GXYLT2: variants seen among roughly 807,000 people sequenced by gnomAD.
The protein encoded by GXYLT2 is glucoside xylosyltransferase 2.
GXYLT2 carries 53 observed loss-of-function variants against 45.8 expected under a neutral mutation model. That is an observed-to-expected ratio of 1.16 (90% CI 0.93 to 1.46). GXYLT2 has a LOEUF of 1.46. Among genes scored for constraint, GXYLT2 ranks in the 40% most tolerant of loss-of-function variants. The pLI is 0.00. For missense variants in GXYLT2, 551 were observed against 544.4 expected, an observed-to-expected ratio of 1.01 and a Z score of -0.12; for synonymous variants, 219 against 214.2, an observed-to-expected ratio of 1.02 and a Z score of -0.19.
chr3:72,926,579 A>G (rs1709922076), intron 3 of GXYLT2, among the ~76,000 whole-genome samples: 1 of 152,226 alleles, frequency 6.6e-6, no homozygotes, highest in South Asian at 2.1e-4. Flanking sequence ...CTGTAAGAGT[A>G]ATTGAGTTGT....
Position 72,917,216 on chromosome 3 carries a change from C to T in GXYLT2, c.469-4988C>T, listed in dbSNP as rs540913830. Among the ~76,000 whole-genome samples the T allele has an allele frequency of 2.1e-3, 316 of 152,098 alleles. 2 individuals are homozygous for T. Among genetic ancestry groups the T allele is most frequent in the Non-Finnish European group, 1.9e-3 (132 of 68,022 alleles). On this transcript the variant is annotated intron_variant, in intron 2 of 6. Coordinates refer to ENST00000389617, the MANE Select transcript of GXYLT2 (RefSeq NM_001080393.2). ...AACCTCTCAGACTGTTAGAGGATGC[C>T]GAGAGCTAAGGGAGCCCGTGAACCA... is the stretch of plus-strand genomic sequence containing the variant.
At position 72,922,162 on chromosome 3, in the gene GXYLT2, C is replaced by G. The variant is rs764171412; in HGVS notation, c.469-42C>G. On this transcript the variant is annotated intron_variant, in intron 2 of 6. Transcript: ENST00000389617. ...GCTTCGCAGGCATTTTCCATATTTC[C>G]TAGGGCCTAATCACCCTTCCCTTGC... The G allele has an allele frequency of 2.5e-6, 4 of 1,588,966 alleles. No homozygotes were observed. In the East Asian group the frequency reaches 6.7e-5, roughly 27 times the overall value.
chr3:72,966,444 T>C (rs1241615774), intron 5 of GXYLT2, among the ~76,000 whole-genome samples: 1 of 147,838 alleles, frequency 6.8e-6, no homozygotes, highest in South Asian at 2.1e-4. Context: ...TTTTTGACAT[T>C]TTTTTGTGTG....
intron 6 of GXYLT2, among the ~76,000 whole-genome samples, chr3:72,972,297 T>C (rs74755251): frequency 0.011 from 1,718 of 152,240 alleles, 26 homozygotes; most frequent in African/African-American, 0.039. Flanking sequence ...GGAACAATTC[T>C]AGTTTCTAGG....
intron 1 of GXYLT2, among the ~76,000 whole-genome samples, chr3:72,894,284 T>A (rs1200645411): frequency 6.6e-6 from 1 of 152,110 alleles, no homozygotes; most frequent in East Asian, 1.9e-4. Flanking sequence ...TGTTACTGCA[T>A]CCAAAATCAT....
intron 3 of GXYLT2, among the ~76,000 whole-genome samples, chr3:72,948,890 G>C (rs900779965): frequency 1.3e-5 from 2 of 151,822 alleles, no homozygotes; most frequent in African/African-American, 4.8e-5. Context: ...GTGGATTGGA[G>C]GGGGCAAGTG....
At chr3:72,896,125 C>A (rs868148917) in intron 1 of GXYLT2, among the ~76,000 whole-genome samples, 1 of 152,204 alleles carries the variant, frequency 6.6e-6, no homozygotes, top group Middle Eastern at 3.2e-3. Context: ...TAACTAGACC[C>A]AGCTAAGTAC....
chr3:72,951,647 A>G (rs1167608363), intron 3 of GXYLT2, among the ~76,000 whole-genome samples: 1 of 152,186 alleles, frequency 6.6e-6, no homozygotes, highest in Non-Finnish European at 1.5e-5. Flanking sequence ...TTTCTCTGAG[A>G]TGTACCCTTA....
At chr3:72,905,545 T>G (rs1709494764) in intron 1 of GXYLT2, among the ~76,000 whole-genome samples, 2 of 152,230 alleles carry the variant, frequency 1.3e-5, no homozygotes. Context: ...TCACTGAAGT[T>G]TATTTCCTAT....
Position 72,955,187 on chromosome 3 carries a change from G to T in GXYLT2, c.690G>T (p.Arg230Ser). ...RPVDDIWKLL[R>S]LFNSTQLAAM... ...TTGATGACATCTGGAAGCTTCTGAG[G>T]CTGTTTAATTCCACCCAGCTTGCAG... Residue 230 changes from arginine to serine, a missense_variant, in exon 4 of 7, where the codon AGG becomes AGT. Transcript: ENST00000389617. 6.2e-7 allele frequency: 1 copy of T among 1,613,988 alleles called. No homozygotes were observed. Among genetic ancestry groups the T allele is most frequent in the Non-Finnish European group, 8.5e-7 (1 of 1,179,882 alleles).
chr3:72,906,723 A>G (rs1226751674), intron 1 of GXYLT2, among the ~76,000 whole-genome samples: 4 of 152,216 alleles, frequency 2.6e-5, no homozygotes, highest in African/African-American at 9.6e-5. Flanking sequence ...TCTGAAATAA[A>G]GAGAGACAGG....
chr3:72,972,796 A>G (rs1360263339), intron 6 of GXYLT2, among the ~76,000 whole-genome samples: 3 of 140,948 alleles, frequency 2.1e-5, no homozygotes, highest in Admixed American at 7.1e-5. Flanking sequence ...CTGGTGGCAC[A>G]TGCAGGTAGT....
intron 2 of GXYLT2, among the ~76,000 whole-genome samples, chr3:72,912,013 A>ATATATATATAT (rs1156864738): frequency 1.7e-5 from 2 of 114,890 alleles, no homozygotes; most frequent in African/African-American, 7.9e-5. Flanking sequence ...ATATATATAT[A>ATATATATATAT]TTTTTTTTTT....
chr3:72,945,909 AAAC>A (rs1260896134), intron 3 of GXYLT2, among the ~76,000 whole-genome samples: 2 of 152,210 alleles, frequency 1.3e-5, no homozygotes, highest in African/African-American at 4.8e-5. Context: ...CAATGATCAA[AAAC>A]AAGAGTTCAC....
rs1374902436 is a variant in GXYLT2, at chr3:72,975,667, G to A, written c.*508G>A. 2 of 152,292 alleles carry A rather than the reference G, an allele frequency of 1.3e-5. No homozygotes were observed. Among genetic ancestry groups the A allele is most frequent in the Non-Finnish European group, 2.9e-5 (2 of 68,138 alleles). The allele number at this position is 152,292 out of a possible 1,614,324, so 9.4% of individuals were successfully genotyped here. ...ATCCTATTGACCAGTGGAAAAGATT[G>A]TTTCCATTTTAAAGCAGTTCCTTAC... On this transcript the variant is annotated 3_prime_UTR_variant, in exon 7 of 7. Transcript: ENST00000389617.
At chr3:72,896,124 C>T (rs1489325467) in intron 1 of GXYLT2, among the ~76,000 whole-genome samples, 6 of 152,180 alleles carry the variant, frequency 3.9e-5, no homozygotes, top group Admixed American at 1.3e-4. Context: ...ATAACTAGAC[C>T]CAGCTAAGTA....
rs1234193329 is a variant in GXYLT2, at chr3:72,948,835, CAA to C, written c.601-6243_601-6242del. Among the ~76,000 whole-genome samples, 172 of 74,928 alleles carry C rather than the reference CAA, an allele frequency of 2.3e-3. 1 individual carries two copies. The highest frequency in any genetic ancestry group is 7.8e-3 in the Middle Eastern group (1 of 128). The allele number at this position is 74,928 out of a possible 152,430, so 49.2% of individuals were successfully genotyped here. A position where few individuals can be genotyped will look rare whatever the true frequency, so the allele number is the denominator to read the frequency against. On this transcript the variant is annotated intron_variant, in intron 3 of 6. Transcript: ENST00000389617. ...CTGGTGACAGAGCAAGATTCTGTCTCAAAAAAAAAAAAAAAAAAAAATCCCTT... is the reference window on the plus strand; with the variant it reads ...CTGGTGACAGAGCAAGATTCTGTCTCAAAAAAAAAAAAAAAAAAATCCCTT...
chr3:72,920,901 A>G (rs565683840), intron 2 of GXYLT2, among the ~76,000 whole-genome samples: 181 of 149,432 alleles, frequency 1.2e-3, no homozygotes, highest in Non-Finnish European at 2.1e-3. Flanking sequence ...TGCAACCTCC[A>G]CCTCTGCCTC....
chr3:72,888,554 G>T, intron 1 of GXYLT2, 46 bp downstream of exon 1: 1 of 1,148,182 alleles, frequency 8.7e-7, no homozygotes, highest in Non-Finnish European at 1.1e-6. Context: ...CCCGTGTCTC[G>T]CTCCCTACAC....
Sources: gnomAD v4.1 joint callset for allele counts (sites outside exome capture counted in the v4.1 genomes callset) on GRCh38, gnomAD v4.1.1 for gene constraint, MANE v1.5 for transcripts, NCBI Gene and HGNC (gene_info 2026-07-23, HGNC 2026-07-21) for gene names.